Variants in GALNT10 observed in about 807,000 individuals in gnomAD.
GALNT10 encodes the protein polypeptide N-acetylgalactosaminyltransferase 10, also known as GalNAc transferase 10.
In GALNT10, 41 loss-of-function variants were observed where a neutral mutation model predicts 75.0. That is an observed-to-expected ratio of 0.55 (90% CI 0.43 to 0.71). The LOEUF is 0.71. GALNT10 is among the 30% of genes least tolerant of loss of function. GALNT10 has a pLI of 0.00. For missense variants in GALNT10, 727 were observed against 818.5 expected (o/e 0.89, Z 1.36); for synonymous variants, 302 against 313.0 (o/e 0.96, Z 0.37).
At chr5:154,287,890 CTGTGTG>C (rs61253851) in intron 1 of GALNT10, among the ~76,000 whole-genome samples, 4 of 145,230 alleles carry the variant, frequency 2.8e-5, no homozygotes, top group Admixed American at 2.1e-4. Flanking sequence ...AATTGCTTTG[CTGTGTG>C]TGTGTGTGTG....
intron 4 of GALNT10, among the ~76,000 whole-genome samples, chr5:154,363,341 CT>C (rs1251665278): frequency 6.6e-6 from 1 of 151,818 alleles, no homozygotes; most frequent in East Asian, 1.9e-4. Context: ...ATAGTCAAGA[CT>C]TTCCATTTTA....
In GALNT10 at chr5:154,416,459, A is replaced by T. The variant is rs186735831; in HGVS notation, c.1654-355A>T. On this transcript the variant is annotated intron_variant, in intron 11 of 11. Transcript: ENST00000297107. This position sits in a 1 kb window ranked among gnomAD's most constrained non-coding sequence, Gnocchi z 4.5. ...AAAAAATTAAAAAAATTAAAAAAATAAAAGATAAAAGGAAAGCACATACAC... is the reference window on the plus strand; with the variant it reads ...AAAAAATTAAAAAAATTAAAAAAATTAAAGATAAAAGGAAAGCACATACAC... Among the ~76,000 whole-genome samples, 18 of 145,014 alleles carry T rather than the reference A, an allele frequency of 1.2e-4. No homozygotes were observed. The highest frequency in any genetic ancestry group is 1.1e-3 in the South Asian group (5 of 4,536).
chr5:154,381,314 C>G (rs1270957569), intron 6 of GALNT10, among the ~76,000 whole-genome samples: 1 of 152,172 alleles, frequency 6.6e-6, no homozygotes, highest in Non-Finnish European at 1.5e-5. Flanking sequence ...GACTAAGGCT[C>G]CAGAAGGAGG....
At chr5:154,351,775 A>G (rs1755206773) in intron 4 of GALNT10, among the ~76,000 whole-genome samples, 1 of 152,212 alleles carries the variant, frequency 6.6e-6, no homozygotes, top group South Asian at 2.1e-4. Flanking sequence ...CACTTTATAA[A>G]TGAGGCAACT....
intron 4 of GALNT10, among the ~76,000 whole-genome samples, chr5:154,331,862 G>A (rs1754871947): frequency 6.6e-6 from 1 of 152,104 alleles, no homozygotes; most frequent in Non-Finnish European, 1.5e-5. Context: ...CCCCATTTTG[G>A]GGAGAAGCTC....
At chr5:154,204,010 C>T (rs1267223169) in intron 1 of GALNT10, among the ~76,000 whole-genome samples, 1 of 152,200 alleles carries the variant, frequency 6.6e-6, no homozygotes, top group African/African-American at 2.4e-5. Flanking sequence ...TTTGCAAAAG[C>T]AGTCAGCAAG....
chr5:154,338,356 G>A, intron 4 of GALNT10: 1 of 472,764 alleles, frequency 2.1e-6, no homozygotes. Context: ...GCTGAGATTT[G>A]AGACCTCAGG....
intron 7 of GALNT10, among the ~76,000 whole-genome samples, chr5:154,391,427 T>G (rs1286334842): frequency 6.6e-6 from 1 of 152,230 alleles, no homozygotes; most frequent in Non-Finnish European, 1.5e-5. Context: ...CTGAAATTTC[T>G]AGAAAAGTCA....
At chr5:154,332,781 G>A (rs1396983056) in intron 4 of GALNT10, among the ~76,000 whole-genome samples, 4 of 152,158 alleles carry the variant, frequency 2.6e-5, no homozygotes, top group African/African-American at 9.7e-5. Flanking sequence ...GCAGTGACTG[G>A]TGCTGGCCCG....
intron 4 of GALNT10, among the ~76,000 whole-genome samples, chr5:154,373,893 C>G (rs1755614792): frequency 6.6e-6 from 1 of 151,998 alleles, no homozygotes; most frequent in African/African-American, 2.4e-5. Flanking sequence ...TGGGGCTTTG[C>G]CCAAGCAGGG....
At position 154,190,754 on chromosome 5, in the gene GALNT10, C is replaced by T; in HGVS notation, c.-113C>T. ...CGCGGAGTTGGAGCGGGGCCGGCGC[C>T]GCAGCCGCTTCTGCTGGCTGAGCTG... On this transcript the variant is annotated 5_prime_UTR_variant, in exon 1 of 12. Transcript: ENST00000297107. 8.4e-6 allele frequency: 3 copies of T among 355,400 alleles called. No individual in the cohort carries two copies. The highest frequency in any genetic ancestry group is 1.2e-5 in the Non-Finnish European group (3 of 255,980). 22.0% of individuals were successfully genotyped at this position (355,400 alleles called of 1,614,324 possible).
intron 4 of GALNT10, among the ~76,000 whole-genome samples, chr5:154,330,908 G>GGGGTGTGTGTGTGTGTGTGT (rs769311099): frequency 3.7e-4 from 47 of 125,918 alleles, no homozygotes; most frequent in African/African-American, 8.2e-4. Flanking sequence ...AGACAGAGAG[G>GGGGTGTGTGTGTGTGTGTGT]GTGTGTGTGT....
intron 4 of GALNT10, among the ~76,000 whole-genome samples, chr5:154,371,665 C>T (rs1426951772): frequency 6.6e-6 from 1 of 152,064 alleles, no homozygotes; most frequent in Non-Finnish European, 1.5e-5. Context: ...TCAGACCTCA[C>T]CAGCTGAGAG....
intron 1 of GALNT10, among the ~76,000 whole-genome samples, chr5:154,245,186 T>C (rs948449403): frequency 2.0e-5 from 3 of 152,048 alleles, no homozygotes; most frequent in Non-Finnish European, 4.4e-5. Flanking sequence ...AGATGACAAC[T>C]AGAGCCACCA....
In GALNT10 at chr5:154,416,049, AC is replaced by A; in HGVS notation, c.1653+119del. 1 of 913,444 alleles carries A rather than the reference AC, an allele frequency of 1.1e-6. No individual in the cohort carries two copies. The highest frequency in any genetic ancestry group is 1.7e-6 in the Non-Finnish European group (1 of 603,748). 56.6% of individuals were successfully genotyped at this position (913,444 alleles called of 1,614,324 possible). A position where few individuals can be genotyped will look rare whatever the true frequency, so the allele number is the denominator to read the frequency against. ...ACTTATTCATTTGTGCCACAAACCT[AC>A]CATGCCGGATTTTGTAGTCATTCAA... On this transcript the variant is annotated intron_variant, in intron 11 of 11. Transcript: ENST00000297107. The surrounding 1 kb of genome is among the most constrained non-coding windows in gnomAD (Gnocchi z 4.5).
intron 4 of GALNT10, among the ~76,000 whole-genome samples, chr5:154,360,464 A>C (rs1274663485): frequency 6.6e-6 from 1 of 151,884 alleles, no homozygotes; most frequent in Non-Finnish European, 1.5e-5. Context: ...AAAAAAAAAA[A>C]AACAAAACAA....
intron 7 of GALNT10, among the ~76,000 whole-genome samples, chr5:154,399,526 AC>A (rs1756114462): frequency 6.6e-6 from 1 of 152,200 alleles, no homozygotes; most frequent in African/African-American, 2.4e-5. Flanking sequence ...TGCCCGAGAA[AC>A]AAGGAAACCT....
At chr5:154,253,826 C>T (rs1228121087) in intron 1 of GALNT10, among the ~76,000 whole-genome samples, 1 of 146,052 alleles carries the variant, frequency 6.8e-6, no homozygotes, top group Non-Finnish European at 1.5e-5. Flanking sequence ...TTTCCTTTGT[C>T]TCCATTGTTC....
intron 3 of GALNT10, among the ~76,000 whole-genome samples, chr5:154,306,642 C>G (rs1217186533): frequency 6.6e-6 from 1 of 151,720 alleles, no homozygotes; most frequent in Non-Finnish European, 1.5e-5. Context: ...GCAAATTAAT[C>G]ACAGTAAACA....
Sources: gnomAD v4.1 joint callset for allele counts (sites outside exome capture counted in the v4.1 genomes callset) on GRCh38, gnomAD v4.1.1 for gene constraint, Gnocchi (gnomAD v3.1) non-coding constraint, MANE v1.5 for transcripts, NCBI Gene and HGNC (gene_info 2026-07-23, HGNC 2026-07-21) for gene names.